The following GSE1 variants were observed in gnomAD, a reference collection of about 807,000 sequenced individuals.
GSE1 encodes the protein genetic suppressor element 1.
Under a neutral mutation model 112.6 loss-of-function variants are expected in GSE1, and 32 were observed. That is an observed-to-expected ratio of 0.28 (90% confidence interval 0.21 to 0.38). The LOEUF is 0.38. GSE1 is among the 10% of genes least tolerant of loss of function. GSE1 has a pLI of 1.00. For synonymous variants in GSE1, 1,115 were observed against 735.6 expected, an observed-to-expected ratio of 1.52 and a Z score of -8.35; for missense variants, 2,348 against 1,699.2, an observed-to-expected ratio of 1.38 and a Z score of -6.71.
intron 14 of GSE1, 130 bp downstream of exon 14, chr16:85,668,554 T>C (rs909126935): frequency 2.4e-5 from 16 of 655,160 alleles, no homozygotes; most frequent in Admixed American, 8.7e-5. Flanking sequence ...ACAGTAGATA[T>C]GAATACTGGA....
intron 1 of GSE1, among the ~76,000 whole-genome samples, chr16:85,179,596 A>G (rs1310426206): frequency 6.6e-6 from 1 of 152,174 alleles, no homozygotes; most frequent in Non-Finnish European, 1.5e-5. Flanking sequence ...CAGCAGGCAA[A>G]TGACGTGATA....
At position 85,654,695 on chromosome 16, in the gene GSE1, C is replaced by CT. The variant is rs1259834796; in HGVS notation, c.600-98dup. On this transcript the variant is annotated intron_variant, in intron 4 of 15. Transcript: ENST00000253458. ...GGGGTGCCAGGAGTCTGGGTGCCGA[C>CT]TGAGCGCCAGGGGTGATGCAGGGAG... The CT allele has an allele frequency of 4.9e-5, 40 of 824,190 alleles. No individual in the cohort carries two copies. In the East Asian group the frequency reaches 1.0e-3, roughly 21 times the overall value. The allele number at this position is 824,190 out of a possible 1,614,324, so 51.1% of individuals were successfully genotyped here. A position where few individuals can be genotyped will look rare whatever the true frequency, so the allele number is the denominator to read the frequency against.
At chr16:85,313,358 G>C (rs1171961027) in intron 1 of GSE1, among the ~76,000 whole-genome samples, 2 of 152,144 alleles carry the variant, frequency 1.3e-5, no homozygotes, top group Non-Finnish European at 2.9e-5. Flanking sequence ...GTGATTCCGT[G>C]TTTGGGGAGG....
chr16:85,320,900 C>T (rs951401267), intron 1 of GSE1, among the ~76,000 whole-genome samples: 11 of 152,100 alleles, frequency 7.2e-5, no homozygotes, highest in African/African-American at 1.2e-4. Flanking sequence ...TCCTCCTGCC[C>T]GGAACACCCA....
intron 1 of GSE1, among the ~76,000 whole-genome samples, chr16:85,231,605 C>T (rs960081153): frequency 2.0e-5 from 3 of 152,146 alleles, no homozygotes; most frequent in Admixed American, 6.5e-5. Flanking sequence ...GTTAGATGCA[C>T]GGGTGGAATA....
intron 1 of GSE1, among the ~76,000 whole-genome samples, chr16:85,630,847 C>T (rs62051376): frequency 0.052 from 7,862 of 152,198 alleles, 288 homozygotes; most frequent in Non-Finnish European, 0.076. Flanking sequence ...CCCATCTGTA[C>T]GCTAGGCCTC....
At chr16:85,291,161 G>A (rs996682975) in intron 1 of GSE1, among the ~76,000 whole-genome samples, 1 of 152,218 alleles carries the variant, frequency 6.6e-6, no homozygotes, top group African/African-American at 2.4e-5. Context: ...GAGGCATGTA[G>A]TGGGTATGTC....
At chr16:85,529,497 G>T (rs2052475028) in intron 2 of GSE1, among the ~76,000 whole-genome samples, 1 of 152,196 alleles carries the variant, frequency 6.6e-6, no homozygotes, top group Non-Finnish European at 1.5e-5. Context: ...TAAAACTCCT[G>T]GTACCCTGGG....
At chr16:85,367,824 T>C (rs1241580007) in intron 2 of GSE1, among the ~76,000 whole-genome samples, 1 of 149,608 alleles carries the variant, frequency 6.7e-6, no homozygotes, top group African/African-American at 2.5e-5. Context: ...GGAGGGCAAA[T>C]GTAAAGAGGA....
chr16:85,435,966 G>A (rs917207088), intron 2 of GSE1, among the ~76,000 whole-genome samples: 3 of 152,152 alleles, frequency 2.0e-5, no homozygotes, highest in Admixed American at 1.3e-4. Context: ...AAGGCAGGTG[G>A]GGTCTGGGGC....
In GSE1 at chr16:85,646,076, AC is replaced by A. The variant is rs1450002322; in HGVS notation, c.227-2474del. 1.6e-3 allele frequency among the ~76,000 whole-genome samples: 222 copies of A among 134,618 alleles called. 5 individuals are homozygous for A. Among genetic ancestry groups the A allele is most frequent in the African/African-American group, 6.0e-3 (185 of 30,802 alleles). 88.3% of individuals were successfully genotyped at this position (134,618 alleles called of 152,430 possible). On this transcript the variant is annotated intron_variant, in intron 2 of 15. Transcript: ENST00000253458. ...ACCACGCTTCCTATGCATGCATTCT[AC>A]CTGCTTCTACCACGCTTCCTATGCA... is the stretch of plus-strand genomic sequence containing the variant.
At chr16:85,210,481 C>T (rs996739374) in intron 1 of GSE1, among the ~76,000 whole-genome samples, 7 of 152,044 alleles carry the variant, frequency 4.6e-5, no homozygotes, top group African/African-American at 1.7e-4. Flanking sequence ...CCCAGTTACT[C>T]GGGAGGCTGA....
At chr16:85,233,350 A>G (rs1567626970) in intron 1 of GSE1, among the ~76,000 whole-genome samples, 1 of 152,222 alleles carries the variant, frequency 6.6e-6, no homozygotes, top group Non-Finnish European at 1.5e-5. Flanking sequence ...ATTGTCACCA[A>G]AATCAAGGGT....
At chr16:85,211,020 C>T (rs1168759251) in intron 1 of GSE1, among the ~76,000 whole-genome samples, 1 of 152,236 alleles carries the variant, frequency 6.6e-6, no homozygotes, top group Admixed American at 6.5e-5. Flanking sequence ...TGCCACTTGA[C>T]CTTGCTGGGT....
In GSE1 at chr16:85,663,546, A is replaced by G. The variant is rs767700953; in HGVS notation, c.2576A>G (p.Asn859Ser). The change falls in exon 11 of 16, where the codon AAC (asparagine) becomes AGC (serine). Residue 859 changes from asparagine (N) to serine (S), a missense_variant. Coordinates refer to ENST00000253458, the MANE Select transcript of GSE1 (RefSeq NM_014615.5). ...CCTGATGAGATGAACAACAGTCCCA[A>G]CTTCGAAGAAAAGAAGAAGTTCCTG... ...YSPDEMNNSPNFEEKKKFLTI... is the reference protein window; with the variant it reads ...YSPDEMNNSPSFEEKKKFLTI... 12 of 1,613,912 alleles carry G rather than the reference A, an allele frequency of 7.4e-6. No individual in the cohort carries two copies. In the East Asian group the frequency reaches 1.3e-4, roughly 18 times the overall value.
At chr16:85,543,626 G>A (rs1447259769) in intron 2 of GSE1, among the ~76,000 whole-genome samples, 3 of 152,172 alleles carry the variant, frequency 2.0e-5, no homozygotes. Context: ...GAGAATCTGA[G>A]ACAGCTGGAA....
intron 1 of GSE1, among the ~76,000 whole-genome samples, chr16:85,590,413 A>C (rs2046948047): frequency 6.8e-6 from 1 of 146,706 alleles, no homozygotes; most frequent in African/African-American, 2.5e-5. Flanking sequence ...GTGTGTGTGA[A>C]CATGTGGGCC....
At chr16:85,465,369 G>A (rs1412737649) in intron 2 of GSE1, among the ~76,000 whole-genome samples, 5 of 152,170 alleles carry the variant, frequency 3.3e-5, no homozygotes, top group African/African-American at 4.8e-5. Flanking sequence ...CATGAACAGC[G>A]CCAGGCCTGG....
intron 2 of GSE1, among the ~76,000 whole-genome samples, chr16:85,643,286 C>G (rs1410456288): frequency 6.6e-6 from 1 of 152,236 alleles, no homozygotes; most frequent in Non-Finnish European, 1.5e-5. Context: ...ACAGACCTTC[C>G]TGCTCCAGCC....
Sources: allele counts gnomAD v4.1 joint callset (sites outside exome capture counted in the v4.1 genomes callset), GRCh38; gene constraint gnomAD v4.1.1; transcripts MANE v1.5; gene names NCBI Gene and HGNC (gene_info 2026-07-23, HGNC 2026-07-21).